The following NT5DC3 variants were observed in gnomAD, a reference collection of about 807,000 sequenced individuals.
The protein encoded by NT5DC3 is 5'-nucleotidase domain containing 3, also known as 5'-nucleotidase domain-containing protein 3.
In NT5DC3, 42 loss-of-function variants were observed where a neutral mutation model predicts 67.8. That is an observed-to-expected ratio of 0.62 (90% CI 0.48 to 0.80). The LOEUF is 0.80. Ranked by LOEUF, NT5DC3 falls within the 30% of genes least tolerant of loss-of-function variation. NT5DC3 has a pLI of 0.00. For synonymous variants in NT5DC3, 237 were observed against 255.6 expected, an observed-to-expected ratio of 0.93 and a Z score of 0.69; for missense variants, 570 against 696.4, an observed-to-expected ratio of 0.82 and a Z score of 2.04.
the NT5DC3 span, chr12:103,761,249 G>A: frequency 4.5e-6 from 7 of 1,558,906 alleles, no homozygotes; most frequent in Middle Eastern, 1.7e-4. Context: ...CTCCATGGAG[G>A]GCTGCCCACT....
chr12:103,771,888 G>T (rs7977459), downstream of NT5DC3, among the ~76,000 whole-genome samples: 2,318 of 152,228 alleles, frequency 0.015, 62 homozygotes, highest in African/African-American at 0.054. Flanking sequence ...CAAGTTTCCA[G>T]AAAATCGCCC....
chr12:103,841,035 C>T lies in NT5DC3; in HGVS notation c.122G>A (p.Arg41Gln), dbSNP rs1470691445. 5 of 1,266,360 alleles carry T rather than the reference C, an allele frequency of 3.9e-6. No individual in the cohort carries two copies. The East Asian group carries it at 1.2e-4, about 32-fold the overall frequency. 78.4% of individuals were successfully genotyped at this position (1,266,360 alleles called of 1,614,324 possible). A position where few individuals can be genotyped will look rare whatever the true frequency, so the allele number is the denominator to read the frequency against. The stretch of plus-strand genomic sequence containing the variant: ...GGTCCCGGGTGCAGTGCACAAGGGC[C>T]GGGCGGGGCCCGCACACGGCCGCCC... ...ARGRPCAGPARPLCTAPGTAP... is the reference protein window; with the variant it reads ...ARGRPCAGPAQPLCTAPGTAP... The change falls in exon 1 of 14, where the codon CGG becomes CAG. Residue 41 changes from arginine (R) to glutamine (Q), a missense_variant. Around this residue, in one of 2 missense-constraint regions of NT5DC3, gnomAD observed 104 missense variants for 88.4 expected, o/e 1.18. Coordinates refer to ENST00000392876, the MANE Select transcript of NT5DC3 (RefSeq NM_001031701.3).
intron 1 of NT5DC3, among the ~76,000 whole-genome samples, chr12:103,831,830 C>T (rs1243648008): frequency 1.4e-5 from 2 of 141,756 alleles, no homozygotes; most frequent in Admixed American, 7.5e-5. Context: ...GGCTGGAGTA[C>T]AGCGGTGTGA....
chr12:103,819,265 T>C (rs1887392609), intron 1 of NT5DC3, among the ~76,000 whole-genome samples: 1 of 152,214 alleles, frequency 6.6e-6, no homozygotes, highest in Admixed American at 6.5e-5. Flanking sequence ...TGGCACCCCG[T>C]GCAAACTTTA....
the NT5DC3 span, chr12:103,759,161 A>C: frequency 5.6e-6 from 9 of 1,613,972 alleles, no homozygotes; most frequent in Middle Eastern, 3.3e-4. Context: ...ATCGAGCACC[A>C]CCTCGCCAAT....
At chr12:103,798,261 T>G (rs761590832) in intron 5 of NT5DC3, among the ~76,000 whole-genome samples, 1 of 152,156 alleles carries the variant, frequency 6.6e-6, no homozygotes, top group Non-Finnish European at 1.5e-5. Flanking sequence ...TCACAGCCAT[T>G]CGTCAGGGGA....
intron 12 of NT5DC3, among the ~76,000 whole-genome samples, chr12:103,784,732 C>T (rs1885693445): frequency 6.6e-6 from 1 of 152,178 alleles, no homozygotes; most frequent in Admixed American, 6.5e-5. Context: ...AGGCAGCTTC[C>T]ATGGGCCAGG....
chr12:103,750,709 T>C, the NT5DC3 span: 2 of 1,613,302 alleles, frequency 1.2e-6, no homozygotes. Context: ...TGTGTCGACC[T>C]CCACTTCCAG....
chr12:103,780,283 A>G lies in NT5DC3; in HGVS notation c.1394+17T>C. 1 of 1,610,350 alleles carries G rather than the reference A, an allele frequency of 6.2e-7. No homozygotes were observed. On this transcript the variant is annotated intron_variant, in intron 13 of 13. Coordinates refer to ENST00000392876, the MANE Select transcript of NT5DC3 (RefSeq NM_001031701.3). Reference sequence around the variant, plus strand: ...ACAGGGTGGTGGACGCGCACATTCAATACAGGCCTCTCTTACCGCATCTCC... The same window carrying G: ...ACAGGGTGGTGGACGCGCACATTCAGTACAGGCCTCTCTTACCGCATCTCC...
At chr12:103,837,176 T>C (rs1312499001) in intron 1 of NT5DC3, among the ~76,000 whole-genome samples, 7 of 152,242 alleles carry the variant, frequency 4.6e-5, no homozygotes, top group African/African-American at 1.7e-4. Flanking sequence ...TTCCACCCTC[T>C]GAAGCCACAG....
At chr12:103,778,134 T>C in intron 13 of NT5DC3, 53 bp from the exon 14 acceptor site, 1 of 1,522,302 alleles carries the variant, frequency 6.6e-7, no homozygotes, top group Non-Finnish European at 8.8e-7. Context: ...AAAATCCTTG[T>C]TTTTAAACTA....
At chr12:103,797,065 A>G (rs1435740156) in intron 5 of NT5DC3, 34 bp from the exon 6 acceptor site, 1 of 1,613,072 alleles carries the variant, frequency 6.2e-7, no homozygotes, top group Non-Finnish European at 8.5e-7. Flanking sequence ...CTTTAGAAAC[A>G]GGGGCCCACG....
chr12:103,810,626 T>C (rs1886989200), intron 2 of NT5DC3, among the ~76,000 whole-genome samples: 1 of 152,258 alleles, frequency 6.6e-6, no homozygotes, highest in Non-Finnish European at 1.5e-5. Context: ...ACCTTGACTT[T>C]GTTCTAATCC....
At chr12:103,785,293 G>A in intron 12 of NT5DC3, 42 bp downstream of exon 12, 1 of 1,601,278 alleles carries the variant, frequency 6.2e-7, no homozygotes. Flanking sequence ...TCTAACCTCA[G>A]GCTTAAAGAA....
intron 1 of NT5DC3, among the ~76,000 whole-genome samples, chr12:103,824,283 T>C (rs1462566652): frequency 6.6e-6 from 1 of 152,210 alleles, no homozygotes; most frequent in African/African-American, 2.4e-5. Flanking sequence ...GAAACTGTTT[T>C]CTCCAGTATC....
chr12:103,814,160 C>A (rs1887150090), intron 2 of NT5DC3, among the ~76,000 whole-genome samples: 1 of 152,224 alleles, frequency 6.6e-6, no homozygotes, highest in Non-Finnish European at 1.5e-5. Flanking sequence ...TCTTTATCTT[C>A]CCAGCTTGTA....
chr12:103,812,877 C>T (rs1887093792), intron 2 of NT5DC3, among the ~76,000 whole-genome samples: 1 of 152,176 alleles, frequency 6.6e-6, no homozygotes, highest in South Asian at 2.1e-4. Flanking sequence ...TTTCTATGTG[C>T]CATCTACTTT....
At chr12:103,826,023 A>G (rs1887681147) in intron 1 of NT5DC3, among the ~76,000 whole-genome samples, 1 of 152,192 alleles carries the variant, frequency 6.6e-6, no homozygotes, top group South Asian at 2.1e-4. Flanking sequence ...CACAGCCATT[A>G]AACATTACAA....
chr12:103,798,532 C>T (rs758824016), intron 5 of NT5DC3, 55 bp downstream of exon 5: 2 of 1,239,950 alleles, frequency 1.6e-6, no homozygotes, highest in Admixed American at 3.4e-5. Flanking sequence ...TTCGACAAGG[C>T]CATGTTTCAA....
Sources: gnomAD v4.1 joint callset for allele counts (sites outside exome capture counted in the v4.1 genomes callset) on GRCh38, gnomAD v4.1.1 for gene constraint, gnomAD v4.1.1 regional missense constraint, MANE v1.5 for transcripts, NCBI Gene and HGNC (gene_info 2026-07-23, HGNC 2026-07-21) for gene names.